The following FXN variants were observed in gnomAD, a reference collection of about 807,000 sequenced individuals.
The protein encoded by FXN is frataxin, mitochondrial.
In FXN, 14 loss-of-function variants were observed where a neutral mutation model predicts 22.4. The ratio of observed to expected loss-of-function variants is 0.62; its 90% CI spans 0.41 to 0.98. FXN has a LOEUF of 0.98. Among genes scored for constraint, FXN ranks in the 50% least tolerant of loss-of-function variants. FXN has a pLI of 0.00. For missense variants in FXN, 267 were observed against 268.4 expected (o/e 0.99, Z 0.04); for synonymous variants, 120 against 114.1 (o/e 1.05, Z -0.33).
At chr9:69,046,331 A>G in intron 1 of FXN, 54 bp from the exon 2 acceptor site, 1 of 1,302,476 alleles carries the variant, frequency 7.7e-7, no homozygotes, top group South Asian at 1.2e-5. Context: ...TTATGCATTA[A>G]TGGGTTATAA....
intron 3 of FXN, among the ~76,000 whole-genome samples, chr9:69,062,974 G>A (rs1832103295): frequency 6.6e-6 from 1 of 152,002 alleles, no homozygotes; most frequent in African/African-American, 2.4e-5. Flanking sequence ...GAGGTAGGAG[G>A]ATCACTTGAG....
chr9:69,058,801 C>G (rs375095858), intron 3 of FXN, among the ~76,000 whole-genome samples: 33 of 152,138 alleles, frequency 2.2e-4, no homozygotes, highest in African/African-American at 7.7e-4. Flanking sequence ...TGGTGCGGTG[C>G]CTCACGCCTG....
rs1832340999 is a variant in FXN at position 69,074,994 on chromosome 9, A to G, written c.*2232A>G. ...ACTCCTTTATCTGGGACACAGCACA[A>G]AAGAGGTATGCAGTGGGGCTGCTCT... On this transcript the variant is annotated 3_prime_UTR_variant, in exon 5 of 5. Transcript: ENST00000484259. 1.0e-6 allele frequency: 1 copy of G among 985,428 alleles called. No homozygotes were observed. The highest frequency in any genetic ancestry group is 1.7e-5 in the African/African-American group (1 of 57,364). 61.0% of individuals were successfully genotyped at this position (985,428 alleles called of 1,614,324 possible).
rs1199583451 is a variant in FXN, at chr9:69,040,864, A to G, written c.165+4917A>G. On this transcript the variant is annotated intron_variant, in intron 1 of 4. Coordinates refer to ENST00000484259, the MANE Select transcript of FXN (RefSeq NM_000144.5). Reference sequence around the variant, plus strand: ...ATATGATTGGGATTAGTGCCCTTCTAAAATAGCCCAACGGAGCCCAGTGAC... The same window carrying G: ...ATATGATTGGGATTAGTGCCCTTCTGAAATAGCCCAACGGAGCCCAGTGAC... Among the ~76,000 whole-genome samples, 4 of 152,212 alleles carry G rather than the reference A, an allele frequency of 2.6e-5. No homozygotes were observed. In the East Asian group the frequency reaches 7.7e-4, roughly 29 times the overall value.
chr9:69,065,157 T>C (rs1182072969), intron 4 of FXN, 122 bp downstream of exon 4: 6 of 758,104 alleles, frequency 7.9e-6, no homozygotes, highest in Non-Finnish European at 1.2e-5. Flanking sequence ...TCCCAACACT[T>C]TGAGAGGCTG....
intron 2 of FXN, 29 bp from the exon 3 acceptor site, chr9:69,053,111 A>G (rs1831883316): frequency 6.2e-7 from 1 of 1,611,052 alleles, no homozygotes. Flanking sequence ...TTTGGTAATC[A>G]TGTTTTGGGT....
intron 2 of FXN, among the ~76,000 whole-genome samples, chr9:69,051,289 T>C (rs972663526): frequency 2.0e-5 from 3 of 152,084 alleles, no homozygotes; most frequent in African/African-American, 7.2e-5. Flanking sequence ...AGAGACGGGG[T>C]CTCTGTTGTC....
At chr9:69,059,282 A>G (rs775362003) in intron 3 of FXN, among the ~76,000 whole-genome samples, 17 of 151,424 alleles carry the variant, frequency 1.1e-4, no homozygotes, top group Admixed American at 3.3e-4. Flanking sequence ...TTTTAGCTAC[A>G]CTTAAGTTAA....
At chr9:69,072,512 C>A in intron 4 of FXN, 100 bp from the exon 5 acceptor site, 1 of 1,603,224 alleles carries the variant, frequency 6.2e-7, no homozygotes, top group South Asian at 1.1e-5. Context: ...TTTTCTAGAG[C>A]TTTACTCCAG....
chr9:69,072,950 G>C lies in FXN; in HGVS notation c.*188G>C. 6.9e-7 allele frequency: 1 copy of C among 1,445,996 alleles called. No homozygotes were observed. The highest frequency in any genetic ancestry group is 9.0e-7 in the Non-Finnish European group (1 of 1,109,042). 89.6% of individuals were successfully genotyped at this position (1,445,996 alleles called of 1,614,324 possible). A position where few individuals can be genotyped will look rare whatever the true frequency, so the allele number is the denominator to read the frequency against. On this transcript the variant is annotated 3_prime_UTR_variant, in exon 5 of 5. Transcript: ENST00000484259. ...GCCTCCTACCTTGCCCCCAAGTTCT[G>C]ATTTTTAATTTCTATGGAAGATTTT...
In FXN at chr9:69,035,761, C is replaced by T. The variant is rs748978397; in HGVS notation, c.-22C>T. The T allele has an allele frequency of 2.0e-6, 3 of 1,493,612 alleles. No homozygotes were observed. The highest frequency in any genetic ancestry group is 2.7e-5 in the East Asian group (1 of 37,326). The allele number at this position is 1,493,612 out of a possible 1,614,324, so 92.5% of individuals were successfully genotyped here. On this transcript the variant is annotated 5_prime_UTR_variant, in exon 1 of 5. Coordinates refer to ENST00000484259, the MANE Select transcript of FXN (RefSeq NM_000144.5). ...CAGCACCCAGCGCTGGAGGGCGGAG[C>T]GGGCGGCAGACCCGGAGCAGCATGT...
At chr9:69,052,537 ATTTTT>A (rs56938732) in intron 2 of FXN, among the ~76,000 whole-genome samples, 1 of 63,252 alleles carries the variant, frequency 1.6e-5, no homozygotes, top group African/African-American at 6.2e-5. Flanking sequence ...TGCTGTTTAA[ATTTTT>A]TTTTTTTTTT....
chr9:69,044,445 TTAC>T, intron 1 of FXN, among the ~76,000 whole-genome samples: 1 of 151,438 alleles, frequency 6.6e-6, no homozygotes, highest in South Asian at 2.1e-4. Context: ...CCTCCTCCAC[TTAC>T]TTCCCAGCCC....
chr9:69,053,312 T>G, intron 3 of FXN, 52 bp downstream of exon 3: 1 of 1,588,770 alleles, frequency 6.3e-7, no homozygotes, highest in Non-Finnish European at 8.6e-7. Context: ...GAATTTTAGT[T>G]CACTAAAATG....
chr9:69,067,050 G>A (rs1173704097), intron 4 of FXN, among the ~76,000 whole-genome samples: 12 of 152,252 alleles, frequency 7.9e-5, no homozygotes, highest in Admixed American at 7.2e-4. Context: ...GTCGGGGGAA[G>A]GGAGGCAGAG....
rs1832374304 is a variant in FXN at position 69,076,644 on chromosome 9, C to G, written c.*3882C>G. On this transcript the variant is annotated 3_prime_UTR_variant, in exon 5 of 5. Transcript: ENST00000484259. ...TGCTTTTGCCACCTCTAAAGGAAGA[C>G]CCATGTTCATAGTGATGGAGTTTGT... 3.5e-5 allele frequency: 34 copies of G among 985,326 alleles called. No individual in the cohort carries two copies. The highest frequency in any genetic ancestry group is 3.9e-5 in the Non-Finnish European group (32 of 829,940). The allele number at this position is 985,326 out of a possible 1,614,324, so 61.0% of individuals were successfully genotyped here.
At chr9:69,057,160 G>T (rs1831975895) in intron 3 of FXN, among the ~76,000 whole-genome samples, 1 of 152,198 alleles carries the variant, frequency 6.6e-6, no homozygotes, top group Admixed American at 6.5e-5. Flanking sequence ...AACGAGTCCT[G>T]TTTGAACTCC....
intron 3 of FXN, among the ~76,000 whole-genome samples, chr9:69,062,026 C>G (rs1041676193): frequency 8.5e-5 from 13 of 152,072 alleles, no homozygotes; most frequent in Non-Finnish European, 1.8e-4. Context: ...CTTTTTGGGA[C>G]AATGGAAATA....
chr9:69,053,273 T>G lies in FXN; in HGVS notation c.384+13T>G. ...TGTCTCCTTTGGGGTACCTCTTGAC[T>G]TCTTTTATTTTTCTGTTTCCCCCTC... On this transcript the variant is annotated intron_variant, in intron 3 of 4. Coordinates refer to ENST00000484259, the MANE Select transcript of FXN (RefSeq NM_000144.5). The G allele has an allele frequency of 6.2e-7, 1 of 1,613,178 alleles. No individual in the cohort carries two copies. The highest frequency in any genetic ancestry group is 8.5e-7 in the Non-Finnish European group (1 of 1,179,424).
Sources: gnomAD v4.1 joint callset for allele counts (sites outside exome capture counted in the v4.1 genomes callset) on GRCh38, gnomAD v4.1.1 for gene constraint, MANE v1.5 for transcripts, NCBI Gene and HGNC (gene_info 2026-07-23, HGNC 2026-07-21) for gene names.